The following ROR1 variants were observed in gnomAD, a reference collection of about 807,000 sequenced individuals.
The protein encoded by ROR1 is ROR family WNT receptor 1, also known as inactive tyrosine-protein kinase transmembrane receptor ROR1.
ROR1 carries 19 observed loss-of-function variants against 78.8 expected under a neutral mutation model. That is an observed-to-expected ratio of 0.24 (90% CI 0.17 to 0.35). ROR1 has a LOEUF of 0.35. Among genes scored for constraint, ROR1 ranks in the 10% least tolerant of loss-of-function variants. The probability of loss-of-function intolerance (pLI) is 1.00; values close to 1 mark genes in which losing one functional copy is unlikely to be tolerated. For synonymous variants in ROR1, 386 were observed against 433.6 expected, an observed-to-expected ratio of 0.89 and a Z score of 1.36; for missense variants, 917 against 1,177.8, an observed-to-expected ratio of 0.78 and a Z score of 3.24.
intron 1 of ROR1, among the ~76,000 whole-genome samples, chr1:63,821,274 G>C (rs1231656227): frequency 2.0e-5 from 3 of 152,294 alleles, no homozygotes; most frequent in Middle Eastern, 3.4e-3. Context: ...AGGAAGTTCT[G>C]ATGGTGAAAT....
At position 63,804,195 on chromosome 1, in the gene ROR1, C is replaced by G. The variant is rs887671695; in HGVS notation, c.91+29687C>G. On this transcript the variant is annotated intron_variant, in intron 1 of 8. Coordinates refer to ENST00000371079, the MANE Select transcript of ROR1 (RefSeq NM_005012.4). ...ATGAGGCAACTCTGTGGTGGTGGAACAGTCCTGTATTGTAATTGTAATGGT... is the reference window on the plus strand; with the variant it reads ...ATGAGGCAACTCTGTGGTGGTGGAAGAGTCCTGTATTGTAATTGTAATGGT... 2.6e-5 allele frequency among the ~76,000 whole-genome samples: 4 copies of G among 152,026 alleles called. No individual in the cohort carries two copies. The East Asian group carries it at 7.7e-4, about 29-fold the overall frequency.
intron 4 of ROR1, among the ~76,000 whole-genome samples, chr1:64,093,993 G>A (rs1647232616): frequency 6.6e-6 from 1 of 152,148 alleles, no homozygotes; most frequent in African/African-American, 2.4e-5. Flanking sequence ...AGAAGTGGCA[G>A]AACTTACATT....
Position 64,159,028 on chromosome 1 carries a change from C to A in ROR1, c.1222C>A (p.Leu408Ile). 6.2e-7 allele frequency: 1 copy of A among 1,614,190 alleles called. No individual in the cohort carries two copies. Among genetic ancestry groups the A allele is most frequent in the Non-Finnish European group, 8.5e-7 (1 of 1,180,012 alleles). Residue 408 changes from leucine to isoleucine, a missense_variant, in exon 8 of 9, where the codon CTA (leucine) becomes ATA (isoleucine). This residue lies in a region of ROR1 where 835 missense variants were observed against 1,069.8 expected (regional missense o/e 0.78). Transcript: ENST00000371079. Reference sequence around the variant, plus strand: ...GAATAAAATGGAAATCCTGTACATACTAGTGCCAAGTGTGGCCATTCCCCT... The same window carrying A: ...GAATAAAATGGAAATCCTGTACATAATAGTGCCAAGTGTGGCCATTCCCCT... ...EKNKMEILYI[L>I]VPSVAIPLAI...
chr1:64,130,624 A>T (rs531881477), intron 4 of ROR1, among the ~76,000 whole-genome samples: 1 of 152,268 alleles, frequency 6.6e-6, no homozygotes, highest in Admixed American at 6.5e-5. Flanking sequence ...TTAGCAGTTA[A>T]CTAAGGTTGC....
intron 1 of ROR1, among the ~76,000 whole-genome samples, chr1:63,955,723 G>A (rs1194413882): frequency 6.6e-6 from 1 of 152,152 alleles, no homozygotes; most frequent in Admixed American, 6.5e-5. Context: ...GACCTGGAAT[G>A]AAACTGGGAA....
rs140794193 is a variant in ROR1 at position 64,150,400 on chromosome 1, A to G, written c.1174+7750A>G. Among the ~76,000 whole-genome samples the G allele has an allele frequency of 5.7e-3, 875 of 152,340 alleles. 2 individuals are homozygous for G. The highest frequency in any genetic ancestry group is 0.02 in the African/African-American group (837 of 41,560). On this transcript the variant is annotated intron_variant, in intron 7 of 8. Coordinates refer to ENST00000371079, the MANE Select transcript of ROR1 (RefSeq NM_005012.4). Reference sequence around the variant, plus strand: ...TGCCTGAATAGCCTTGACTTGTCCTATAATCTTACAAACACCCACCCTGGG... The same window carrying G: ...TGCCTGAATAGCCTTGACTTGTCCTGTAATCTTACAAACACCCACCCTGGG...
intron 8 of ROR1, among the ~76,000 whole-genome samples, chr1:64,172,001 T>G (rs9919315): frequency 0.025 from 3,842 of 152,290 alleles, 166 homozygotes; most frequent in African/African-American, 0.088. Context: ...ACCTAAGGTA[T>G]AACTTCCCAA....
Position 64,047,427 on chromosome 1 carries a change from C to T in ROR1, c.164-2264C>T, listed in dbSNP as rs565428356. 3.3e-5 allele frequency among the ~76,000 whole-genome samples: 5 copies of T among 152,248 alleles called. No homozygotes were observed. In the South Asian group the frequency reaches 1.0e-3, roughly 32 times the overall value. On this transcript the variant is annotated intron_variant, in intron 2 of 8. Transcript: ENST00000371079. ...TATTTTGGTTTTTCCGTTGGTTAAA[C>T]TGAGGTACAAAGAGGTTAAGTAACT...
At chr1:63,885,932 G>T (rs1423546858) in intron 1 of ROR1, among the ~76,000 whole-genome samples, 1 of 152,226 alleles carries the variant, frequency 6.6e-6, no homozygotes, top group South Asian at 2.1e-4. Flanking sequence ...TTATTACATT[G>T]TAGTAAATAA....
chr1:63,895,401 GA>G (rs1489301819), intron 1 of ROR1, among the ~76,000 whole-genome samples: 1 of 152,118 alleles, frequency 6.6e-6, no homozygotes, highest in Non-Finnish European at 1.5e-5. Flanking sequence ...ACTCACTTAA[GA>G]AAATAAACCA....
chr1:63,991,963 G>A (rs1466891591), intron 1 of ROR1, among the ~76,000 whole-genome samples: 1 of 152,160 alleles, frequency 6.6e-6, no homozygotes, highest in Non-Finnish European at 1.5e-5. Flanking sequence ...GAATAGGAAA[G>A]GAGAATGTAA....
chr1:63,815,774 T>C lies in ROR1; in HGVS notation c.91+41266T>C, dbSNP rs7514269. Among the ~76,000 whole-genome samples, 502 of 152,188 alleles carry C rather than the reference T, an allele frequency of 3.3e-3. 1 individual carries two copies. The highest frequency in any genetic ancestry group is 0.012 in the African/African-American group (479 of 41,498). On this transcript the variant is annotated intron_variant, in intron 1 of 8. Coordinates refer to ENST00000371079, the MANE Select transcript of ROR1 (RefSeq NM_005012.4). The stretch of plus-strand genomic sequence containing the variant: ...AGTGGTTCTTGTTCAGGGGTGAGTA[T>C]GGAATCATGTGGGGAACCGCCATGA...
At chr1:63,866,391 G>C (rs1645215578) in intron 1 of ROR1, among the ~76,000 whole-genome samples, 1 of 152,174 alleles carries the variant, frequency 6.6e-6, no homozygotes, top group Non-Finnish European at 1.5e-5. Flanking sequence ...AAATGTGGCT[G>C]CTCATTGCAA....
chr1:64,024,557 C>T (rs545737181), intron 2 of ROR1, among the ~76,000 whole-genome samples: 64 of 152,198 alleles, frequency 4.2e-4, no homozygotes, highest in African/African-American at 1.5e-3. Context: ...TTTACTGAAC[C>T]TATTATCACC....
chr1:64,111,866 T>A (rs924115901), intron 4 of ROR1: 3 of 152,240 alleles, frequency 2.0e-5, no homozygotes, highest in African/African-American at 7.2e-5. Context: ...TTGCCACAAC[T>A]TATAAACCAA....
chr1:63,806,753 T>C (rs1297262925), intron 1 of ROR1, among the ~76,000 whole-genome samples: 1 of 152,204 alleles, frequency 6.6e-6, no homozygotes, highest in Non-Finnish European at 1.5e-5. Flanking sequence ...CTTTGTATTG[T>C]TTTTCAAGTT....
At chr1:63,968,036 T>A (rs951700781) in intron 1 of ROR1, among the ~76,000 whole-genome samples, 1 of 152,208 alleles carries the variant, frequency 6.6e-6, no homozygotes, top group African/African-American at 2.4e-5. Flanking sequence ...CTGGTGGGGT[T>A]GTCTGTGTGC....
At chr1:64,137,343 T>A (rs531743496) in intron 4 of ROR1, 26 bp from the exon 5 acceptor site, 1 of 1,613,420 alleles carries the variant, frequency 6.2e-7, no homozygotes, top group Admixed American at 1.7e-5. Flanking sequence ...GTGCATCAGC[T>A]AATGTCTGTC....
At chr1:63,884,912 G>T (rs981414015) in intron 1 of ROR1, among the ~76,000 whole-genome samples, 11 of 152,004 alleles carry the variant, frequency 7.2e-5, no homozygotes, top group African/African-American at 2.4e-4. Context: ...AGTGACCCAG[G>T]AAATGGGCTC....
Sources: gnomAD v4.1 joint callset for allele counts (sites outside exome capture counted in the v4.1 genomes callset) on GRCh38, gnomAD v4.1.1 for gene constraint, gnomAD v4.1.1 regional missense constraint, MANE v1.5 for transcripts, NCBI Gene and HGNC (gene_info 2026-07-23, HGNC 2026-07-21) for gene names.